PHACTR3: variants seen among roughly 807,000 people sequenced by gnomAD.
The protein encoded by PHACTR3 is phosphatase and actin regulator 3, also known as protein phosphatase 1, regulatory subunit 123.
A neutral mutation model predicts 66.8 loss-of-function variants in PHACTR3; 16 were observed. The observed-to-expected ratio is 0.24, with a 90% CI of 0.16 to 0.36. The LOEUF is 0.36. Ranked by LOEUF, PHACTR3 falls within the 10% of genes least tolerant of loss-of-function variation. The probability of loss-of-function intolerance (pLI) is 1.00; values close to 1 mark genes in which losing one functional copy is unlikely to be tolerated. For missense variants in PHACTR3, 647 were observed against 719.9 expected, an observed-to-expected ratio of 0.90 and a Z score of 1.16; for synonymous variants, 323 against 292.1, an observed-to-expected ratio of 1.11 and a Z score of -1.08.
At chr20:59,647,522 A>T (rs2035321815) in intron 1 of PHACTR3, among the ~76,000 whole-genome samples, 1 of 152,188 alleles carries the variant, frequency 6.6e-6, no homozygotes, top group African/African-American at 2.4e-5. Flanking sequence ...CATTGGCAGG[A>T]CTGAGCAGCA....
chr20:59,679,426 ACTATTT>A (rs1304181743), intron 1 of PHACTR3, among the ~76,000 whole-genome samples: 1 of 152,232 alleles, frequency 6.6e-6, no homozygotes, highest in Non-Finnish European at 1.5e-5. Context: ...CTAATTTCAT[ACTATTT>A]CTATTTCTAA....
chr20:59,791,688 T>C (rs1489639562), intron 7 of PHACTR3, among the ~76,000 whole-genome samples: 1 of 151,694 alleles, frequency 6.6e-6, no homozygotes, highest in Non-Finnish European at 1.5e-5. Context: ...GCTGCACCCA[T>C]TAACTCGTCA....
At chr20:59,622,478 A>G (rs2034277884) in intron 1 of PHACTR3, among the ~76,000 whole-genome samples, 2 of 152,180 alleles carry the variant, frequency 1.3e-5, no homozygotes. Context: ...CTACTGGTAA[A>G]TGCTCTGTTC....
chr20:59,759,534 A>C (rs1176079991), intron 4 of PHACTR3, among the ~76,000 whole-genome samples: 2 of 152,138 alleles, frequency 1.3e-5, no homozygotes, highest in African/African-American at 4.8e-5. Flanking sequence ...GAAGGTTAAG[A>C]GCCTAGTCTT....
rs1360058950 is a variant in PHACTR3 at position 59,623,580 on chromosome 20, C to T, written c.118+18448C>T. 3.3e-5 allele frequency among the ~76,000 whole-genome samples: 5 copies of T among 152,312 alleles called. No individual in the cohort carries two copies. The East Asian group carries it at 7.7e-4, about 24-fold the overall frequency. On this transcript the variant is annotated intron_variant, in intron 1 of 12. Coordinates refer to ENST00000371015, the MANE Select transcript of PHACTR3 (RefSeq NM_080672.5). ...TTTGTTTGTAATATGAAGGGAAACA[C>T]GCTAGCCCCTGTTCTGTGCCTGGCT... is the stretch of plus-strand genomic sequence containing the variant.
intron 5 of PHACTR3, 97 bp from the exon 6 acceptor site, chr20:59,773,182 G>A (rs1033683204): frequency 3.4e-5 from 46 of 1,372,368 alleles, no homozygotes; most frequent in Non-Finnish European, 4.2e-5. Flanking sequence ...GGAGGTGCAG[G>A]GGAGCGTCCT....
At chr20:59,742,768 C>T (rs1334942164) in intron 1 of PHACTR3, among the ~76,000 whole-genome samples, 1 of 152,126 alleles carries the variant, frequency 6.6e-6, no homozygotes, top group Non-Finnish European at 1.5e-5. Context: ...GGGAGAGCAG[C>T]GTGGGTGGAG....
intron 1 of PHACTR3, among the ~76,000 whole-genome samples, chr20:59,631,890 A>G (rs949049742): frequency 6.6e-6 from 1 of 152,094 alleles, no homozygotes; most frequent in African/African-American, 2.4e-5. Flanking sequence ...CTCAGAGCTG[A>G]GGTCTGTGTT....
chr20:59,840,508 A>G (rs2059039220), intron 10 of PHACTR3, 78 bp downstream of exon 10: 2 of 1,583,486 alleles, frequency 1.3e-6, no homozygotes, highest in African/African-American at 1.4e-5. Flanking sequence ...TGGGATGGGT[A>G]ATGCTAGGTA....
At chr20:59,664,804 G>C (rs903089021) in intron 1 of PHACTR3, among the ~76,000 whole-genome samples, 1 of 152,176 alleles carries the variant, frequency 6.6e-6, no homozygotes, top group Non-Finnish European at 1.5e-5. Context: ...CAACCTGCCA[G>C]ATGCCGCCTT....
At chr20:59,841,249 G>C (rs1335830051) in intron 10 of PHACTR3, 146 bp from the exon 11 acceptor site, 1 of 715,118 alleles carries the variant, frequency 1.4e-6, no homozygotes, top group Non-Finnish European at 2.3e-6. Flanking sequence ...CTTCACATTA[G>C]AGATTGCTTG....
chr20:59,778,262 C>T (rs1353367076), intron 7 of PHACTR3, among the ~76,000 whole-genome samples: 1 of 152,168 alleles, frequency 6.6e-6, no homozygotes, highest in Admixed American at 6.5e-5. Context: ...TCACCTCTTG[C>T]TCAAATCCCT....
intron 1 of PHACTR3, among the ~76,000 whole-genome samples, chr20:59,649,343 A>G (rs568116305): frequency 6.6e-6 from 1 of 152,256 alleles, no homozygotes; most frequent in East Asian, 1.9e-4. Flanking sequence ...TCTTTAAAGC[A>G]TGTGTCTTAA....
chr20:59,755,575 G>T (rs934270467), intron 4 of PHACTR3, among the ~76,000 whole-genome samples: 1 of 152,186 alleles, frequency 6.6e-6, no homozygotes, highest in African/African-American at 2.4e-5. Flanking sequence ...TTCCAAGTCT[G>T]GCACGGCTGA....
At chr20:59,611,510 C>T (rs1449813824) in intron 1 of PHACTR3, among the ~76,000 whole-genome samples, 3 of 152,218 alleles carry the variant, frequency 2.0e-5, no homozygotes, top group Non-Finnish European at 4.4e-5. Flanking sequence ...AGTCATGGGA[C>T]CGTGTCCCTC....
chr20:59,697,593 T>C (rs1851656818), intron 1 of PHACTR3, among the ~76,000 whole-genome samples: 1 of 152,020 alleles, frequency 6.6e-6, no homozygotes, highest in Non-Finnish European at 1.5e-5. Flanking sequence ...TTGTTACCCA[T>C]GAGACCAAGG....
In PHACTR3 at chr20:59,686,737, GTGATGATGGTGA is replaced by G. The variant is rs796395907; in HGVS notation, c.119-56322_119-56311del. Reference sequence around the variant, plus strand: ...GATGGTGGTGGTTATGATGATGGTGGTGATGATGGTGATGATGATGGTGATGATGATGGTGAT... The same window carrying G: ...GATGGTGGTGGTTATGATGATGGTGGTGATGATGGTGATGATGATGGTGAT... On this transcript the variant is annotated intron_variant, in intron 1 of 12. Transcript: ENST00000371015. Among the ~76,000 whole-genome samples, 753 of 75,576 alleles carry G rather than the reference GTGATGATGGTGA, an allele frequency of 1.0e-2. 8 individuals are homozygous for G. Among genetic ancestry groups the G allele is most frequent in the Admixed American group, 0.028 (218 of 7,788 alleles). The allele number at this position is 75,576 out of a possible 152,430, so 49.6% of individuals were successfully genotyped here.
Position 59,829,009 on chromosome 20 carries a change from G to A in PHACTR3, c.1329-7496G>A, listed in dbSNP as rs2042271049. On this transcript the variant is annotated intron_variant, in intron 8 of 12. Transcript: ENST00000371015. This position sits in a 1 kb window ranked among gnomAD's most constrained non-coding sequence, Gnocchi z 4.2. ...CAGCAGACTTGGAGCTTCCTGGGGT[G>A]TTGGACGTAGGGAGTAAGAGGAGCC... Among the ~76,000 whole-genome samples the A allele has an allele frequency of 6.6e-6, 1 of 152,072 alleles. No homozygotes were observed. The highest frequency in any genetic ancestry group is 2.4e-5 in the African/African-American group (1 of 41,394).
intron 7 of PHACTR3, 106 bp from the exon 8 acceptor site, chr20:59,805,935 G>A: frequency 8.1e-7 from 1 of 1,234,274 alleles, no homozygotes; most frequent in South Asian, 1.5e-5. Flanking sequence ...CCCTGGTCTG[G>A]AGTCCTTCCT....
Sources: allele counts gnomAD v4.1 joint callset (sites outside exome capture counted in the v4.1 genomes callset), GRCh38; gene constraint gnomAD v4.1.1; non-coding constraint Gnocchi (gnomAD v3.1); transcripts MANE v1.5; gene names NCBI Gene and HGNC (gene_info 2026-07-23, HGNC 2026-07-21).